The following IQCE variants were observed in gnomAD, a reference collection of about 807,000 sequenced individuals.
The protein encoded by IQCE is IQ domain-containing protein E.
Under a neutral mutation model 96.0 loss-of-function variants are expected in IQCE, and 115 were observed. The ratio of observed to expected loss-of-function variants is 1.20; its 90% CI spans 1.03 to 1.40. IQCE has a LOEUF of 1.40. Ranked by LOEUF, IQCE falls within the 40% of genes most tolerant of loss-of-function variation. The probability of loss-of-function intolerance (pLI) is 0.00; values close to 1 mark genes in which losing one functional copy is unlikely to be tolerated. For synonymous variants in IQCE, 412 were observed against 371.2 expected (o/e 1.11, Z -1.26); for missense variants, 1,041 against 909.1 (o/e 1.15, Z -1.87).
In IQCE at chr7:2,593,096, A is replaced by C; in HGVS notation, c.1319A>C (p.Glu440Ala). ...KELECAREGE[E>A]ERREREEVLR... ...CTGGAGTGCGCGAGGGAGGGCGAGGAGGAGAGGAGAGAGCGAGAGGAGGTT... is the reference window on the plus strand; with the variant it reads ...CTGGAGTGCGCGAGGGAGGGCGAGGCGGAGAGGAGAGAGCGAGAGGAGGTT... The change falls in exon 15 of 22, where the codon GAG (glutamate) becomes GCG (alanine). Residue 440 changes from glutamate to alanine, a missense_variant. Coordinates refer to ENST00000402050, the MANE Select transcript of IQCE (RefSeq NM_152558.5). 1 of 1,612,450 alleles carries C rather than the reference A, an allele frequency of 6.2e-7. No individual in the cohort carries two copies.
chr7:2,586,503 C>G (rs1783127988), intron 12 of IQCE, 132 bp downstream of exon 12: 1 of 967,644 alleles, frequency 1.0e-6, no homozygotes, highest in Non-Finnish European at 1.5e-6. Flanking sequence ...AACGCCAGTT[C>G]CCACATGTGC....
chr7:2,559,023 C>A lies in IQCE; in HGVS notation c.-159C>A, dbSNP rs376266635. The A allele has an allele frequency of 2.4e-5, 9 of 371,988 alleles. No individual in the cohort carries two copies. The highest frequency in any genetic ancestry group is 2.1e-5 in the African/African-American group (1 of 46,742). 23.0% of individuals were successfully genotyped at this position (371,988 alleles called of 1,614,324 possible). ...CCAGGGGGAACGCAGGTCGCTTACCCGGCTGGGTAGGTCGGCGGCCTGGTT... is the reference window on the plus strand; with the variant it reads ...CCAGGGGGAACGCAGGTCGCTTACCAGGCTGGGTAGGTCGGCGGCCTGGTT... On this transcript the variant is annotated 5_prime_UTR_variant, in exon 1 of 22. Coordinates refer to ENST00000402050, the MANE Select transcript of IQCE (RefSeq NM_152558.5).
chr7:2,597,827 C>T (rs921932286), intron 16 of IQCE, among the ~76,000 whole-genome samples: 8 of 151,984 alleles, frequency 5.3e-5, no homozygotes, highest in Non-Finnish European at 7.4e-5. Context: ...CCACCACACC[C>T]GGGTATTTTT....
chr7:2,598,777 C>T (rs953726508), intron 17 of IQCE, 145 bp downstream of exon 17: 5 of 613,748 alleles, frequency 8.1e-6, no homozygotes, highest in South Asian at 4.6e-5. Flanking sequence ...AAATGAAAAC[C>T]TCATTCACAC....
At chr7:2,593,947 T>C (rs77123859) in intron 15 of IQCE, among the ~76,000 whole-genome samples, 1,858 of 152,298 alleles carry the variant, frequency 0.012, 32 homozygotes, top group African/African-American at 0.04. Context: ...GAATAATTAG[T>C]AAGACATAGA....
intron 20 of IQCE, among the ~76,000 whole-genome samples, 158 bp downstream of exon 20, chr7:2,606,155 C>T (rs1005249989): frequency 6.6e-6 from 1 of 152,214 alleles, no homozygotes; most frequent in Admixed American, 6.5e-5. Flanking sequence ...GTAAAGGCTT[C>T]ACATCCTGAG....
intron 18 of IQCE, among the ~76,000 whole-genome samples, chr7:2,603,822 T>A (rs1784603714): frequency 6.6e-6 from 1 of 151,936 alleles, no homozygotes; most frequent in African/African-American, 2.4e-5. Flanking sequence ...GCAAGCCTGC[T>A]AAACTCACGT....
At chr7:2,578,600 T>A in intron 8 of IQCE, 74 bp downstream of exon 8, 1 of 1,515,620 alleles carries the variant, frequency 6.6e-7, no homozygotes, top group Non-Finnish European at 9.2e-7. Flanking sequence ...AGGGACGCCT[T>A]TCCCTGCAGC....
Position 2,597,145 on chromosome 7 carries a change from G to A in IQCE, c.1441-1320G>A, listed in dbSNP as rs190960023. The A allele has an allele frequency of 1.6e-3, 727 of 467,998 alleles. 6 individuals are homozygous for A. The highest frequency in any genetic ancestry group is 0.013 in the African/African-American group (652 of 50,148). 29.0% of individuals were successfully genotyped at this position (467,998 alleles called of 1,614,324 possible). A position where few individuals can be genotyped will look rare whatever the true frequency, so the allele number is the denominator to read the frequency against. ...AGGAGAGGGCGAGGTGAGGTGAGCC[G>A]GCTGGTTAGGGCCGGCGGGCTGGAA... On this transcript the variant is annotated intron_variant, in intron 16 of 21. Transcript: ENST00000402050.
chr7:2,572,923 G>A, intron 5 of IQCE: 1 of 343,318 alleles, frequency 2.9e-6, no homozygotes, highest in Non-Finnish European at 5.6e-6. Context: ...CCTCCTCACT[G>A]TACTCCAGGA....
intron 6 of IQCE, among the ~76,000 whole-genome samples, chr7:2,575,222 A>G (rs1001434145): frequency 6.6e-6 from 1 of 151,966 alleles, no homozygotes; most frequent in Non-Finnish European, 1.5e-5. Flanking sequence ...GCCTCCTTTC[A>G]CGCTGCCCTG....
chr7:2,593,389 C>CTG (rs1258323435), intron 15 of IQCE, among the ~76,000 whole-genome samples: 1 of 152,240 alleles, frequency 6.6e-6, no homozygotes, highest in Non-Finnish European at 1.5e-5. Flanking sequence ...TCCCAACCAG[C>CTG]TGTCACACTG....
intron 6 of IQCE, among the ~76,000 whole-genome samples, chr7:2,575,579 G>GAGT (rs149962820): frequency 0.057 from 8,733 of 152,268 alleles, 319 homozygotes; most frequent in Non-Finnish European, 0.087. Context: ...GGGCAAGGGT[G>GAGT]AGTGTCTGGG....
At chr7:2,580,288 A>T (rs1020397308) in intron 8 of IQCE, 4 of 144,898 alleles carry the variant, frequency 2.8e-5, no homozygotes, top group Non-Finnish European at 4.5e-5. Flanking sequence ...ATTTTAGAGC[A>T]TAGCCAAAAA....
rs564963001 is a variant in IQCE at position 2,614,412 on chromosome 7, C to T, written c.*4250C>T. 2 of 152,354 alleles carry T rather than the reference C, an allele frequency of 1.3e-5. No homozygotes were observed. Among genetic ancestry groups the T allele is most frequent in the South Asian group, 2.1e-4 (1 of 4,822 alleles). 9.4% of individuals were successfully genotyped at this position (152,354 alleles called of 1,614,324 possible). A position where few individuals can be genotyped will look rare whatever the true frequency, so the allele number is the denominator to read the frequency against. The stretch of plus-strand genomic sequence containing the variant: ...TCCGAGCCAGCTATTTCTCAAGGCT[C>T]CCACCTCGCCAAGCTCCCAAGGGCC... On this transcript the variant is annotated 3_prime_UTR_variant, in exon 22 of 22. Transcript: ENST00000402050.
At chr7:2,573,542 C>G in intron 6 of IQCE, 54 bp downstream of exon 6, 1 of 985,022 alleles carries the variant, frequency 1.0e-6, no homozygotes, top group Non-Finnish European at 1.6e-6. Context: ...CTTCCTATAA[C>G]AATGTATTAG....
chr7:2,592,524 G>T (rs1315301017), intron 14 of IQCE, among the ~76,000 whole-genome samples: 1 of 152,198 alleles, frequency 6.6e-6, no homozygotes, highest in African/African-American at 2.4e-5. Flanking sequence ...ACAGCATACA[G>T]TCCATCTGAG....
At chr7:2,564,912 TC>T (rs758282315) in intron 1 of IQCE, among the ~76,000 whole-genome samples, 8 of 152,202 alleles carry the variant, frequency 5.3e-5, no homozygotes, top group Non-Finnish European at 8.8e-5. Flanking sequence ...ATTCTGGACT[TC>T]CAGCCTCCCA....
intron 19 of IQCE, among the ~76,000 whole-genome samples, chr7:2,605,655 A>AATAG (rs1419992749): frequency 6.6e-6 from 1 of 151,628 alleles, no homozygotes; most frequent in Admixed American, 6.6e-5. Context: ...TAAATAAATA[A>AATAG]ATAAATAAAT....
Sources: gnomAD v4.1 joint callset for allele counts (sites outside exome capture counted in the v4.1 genomes callset) on GRCh38, gnomAD v4.1.1 for gene constraint, MANE v1.5 for transcripts, NCBI Gene and HGNC (gene_info 2026-07-23, HGNC 2026-07-21) for gene names.